NCKAP5: variants seen among roughly 807,000 people sequenced by gnomAD.
NCKAP5 encodes nck-associated protein 5.
In NCKAP5, 92 loss-of-function variants were observed where a neutral mutation model predicts 167.0. The ratio of observed to expected loss-of-function variants is 0.55; its 90% CI spans 0.47 to 0.66. The LOEUF (loss-of-function observed/expected upper bound fraction) is 0.66. Among genes scored for constraint, NCKAP5 ranks in the 30% least tolerant of loss-of-function variants. The pLI, the probability that NCKAP5 is intolerant of heterozygous loss-of-function variation, is 0.00. For synonymous variants in NCKAP5, 891 were observed against 877.4 expected (o/e 1.02, Z -0.27); for missense variants, 2,378 against 2,315.0 (o/e 1.03, Z -0.56).
chr2:133,397,192 ACTCT>A (rs1433564377), intron 3 of NCKAP5, among the ~76,000 whole-genome samples: 1 of 152,152 alleles, frequency 6.6e-6, no homozygotes, highest in African/African-American at 2.4e-5. Context: ...GACTCTGAAC[ACTCT>A]CTCTTCCCAT....
At chr2:133,019,478 C>T (rs2078452920) in intron 6 of NCKAP5, among the ~76,000 whole-genome samples, 1 of 152,142 alleles carries the variant, frequency 6.6e-6, no homozygotes, top group African/African-American at 2.4e-5. Flanking sequence ...GACTCTGTCT[C>T]TCCTGTCATA....
At chr2:133,574,300 C>T in the NCKAP5 span, among the ~76,000 whole-genome samples, 4 of 151,780 alleles carry the variant, frequency 2.6e-5, no homozygotes, top group Non-Finnish European at 4.4e-5. Flanking sequence ...TAGTCCCAGA[C>T]GACCACGCTA....
At chr2:133,416,609 G>A (rs1403381703) in intron 3 of NCKAP5, among the ~76,000 whole-genome samples, 3 of 151,948 alleles carry the variant, frequency 2.0e-5, no homozygotes, top group Non-Finnish European at 4.4e-5. Context: ...CAGAGATGAG[G>A]GCTAATGCTC....
At chr2:133,022,152 C>T (rs998923735) in intron 6 of NCKAP5, among the ~76,000 whole-genome samples, 2 of 151,818 alleles carry the variant, frequency 1.3e-5, no homozygotes, top group Non-Finnish European at 2.9e-5. Context: ...GAACACGTCA[C>T]CTCAAAATAT....
At chr2:133,497,489 C>G (rs1257744631) in intron 3 of NCKAP5, among the ~76,000 whole-genome samples, 1 of 152,174 alleles carries the variant, frequency 6.6e-6, no homozygotes, top group African/African-American at 2.4e-5. Flanking sequence ...TTTCACAGCC[C>G]AAATTCCTAC....
Position 133,470,062 on chromosome 2 carries a change from G to A in NCKAP5, c.69+47396C>T, listed in dbSNP as rs548537142. Among the ~76,000 whole-genome samples the A allele has an allele frequency of 1.4e-3, 216 of 152,204 alleles. 1 individual carries two copies. The highest frequency in any genetic ancestry group is 3.7e-3 in the African/African-American group (154 of 41,520). The stretch of plus-strand genomic sequence containing the variant: ...TGTTCCATTGCTGGTGAGGAACTGC[G>A]TTCCTTTGGAGGAGGAGAGGTGCTC... On this transcript the variant is annotated intron_variant, in intron 3 of 19. Coordinates refer to ENST00000409261, the MANE Select transcript of NCKAP5 (RefSeq NM_207363.3).
At chr2:133,098,754 T>C (rs2081416710) in intron 6 of NCKAP5, among the ~76,000 whole-genome samples, 1 of 152,186 alleles carries the variant, frequency 6.6e-6, no homozygotes, top group Admixed American at 6.5e-5. Flanking sequence ...TTTCAAAACA[T>C]TATGTGCAAT....
At chr2:132,879,675 G>C (rs1250466934) in intron 8 of NCKAP5, among the ~76,000 whole-genome samples, 1 of 152,188 alleles carries the variant, frequency 6.6e-6, no homozygotes, top group African/African-American at 2.4e-5. Context: ...CTGTGCCAGT[G>C]AACCCTTCCC....
In NCKAP5 at chr2:132,773,898, C is replaced by A; in HGVS notation, c.5050-4G>T. 1 of 1,607,176 alleles carries A rather than the reference C, an allele frequency of 6.2e-7. No individual in the cohort carries two copies. The highest frequency in any genetic ancestry group is 1.3e-5 in the African/African-American group (1 of 74,538). On this transcript the variant is annotated splice_polypyrimidine_tract_variant and splice_region_variant and intron_variant, in intron 15 of 19. Transcript: ENST00000409261. ...AGTTTTCATTTGCCTCTTTTACCTGCAGGAAGAAGAAAATGATGCAAGTTC... is the reference window on the plus strand; with the variant it reads ...AGTTTTCATTTGCCTCTTTTACCTGAAGGAAGAAGAAAATGATGCAAGTTC...
intron 3 of NCKAP5, among the ~76,000 whole-genome samples, chr2:133,489,185 G>C (rs1681220196): frequency 6.6e-6 from 1 of 152,174 alleles, no homozygotes; most frequent in Admixed American, 6.5e-5. Context: ...TTCTGCATTT[G>C]AACTGTGCTG....
chr2:132,956,586 T>C (rs543777586), intron 8 of NCKAP5, among the ~76,000 whole-genome samples: 1 of 152,326 alleles, frequency 6.6e-6, no homozygotes, highest in East Asian at 1.9e-4. Context: ...GGCACACGAA[T>C]GTGCCATACC....
the NCKAP5 span, among the ~76,000 whole-genome samples, chr2:133,601,832 G>A: frequency 6.6e-6 from 1 of 152,084 alleles, no homozygotes; most frequent in African/African-American, 2.4e-5. Context: ...CCTAAGTGTG[G>A]CATGTTTAGG....
At chr2:132,768,760 C>G (rs1248093283) in intron 16 of NCKAP5, among the ~76,000 whole-genome samples, 1 of 151,286 alleles carries the variant, frequency 6.6e-6, no homozygotes, top group Admixed American at 6.6e-5. Flanking sequence ...CTGCCTCAGC[C>G]TCCCGAGTAG....
At chr2:132,705,214 C>G (rs1688239228) in intron 19 of NCKAP5, among the ~76,000 whole-genome samples, 1 of 152,142 alleles carries the variant, frequency 6.6e-6, no homozygotes, top group Non-Finnish European at 1.5e-5. Flanking sequence ...TTCTCTCTCT[C>G]TCTGCTGGAT....
At chr2:133,070,356 C>T (rs764535302) in intron 6 of NCKAP5, among the ~76,000 whole-genome samples, 8 of 152,092 alleles carry the variant, frequency 5.3e-5, no homozygotes, top group Non-Finnish European at 8.8e-5. Context: ...CTCTTCTCAC[C>T]CCAACTCCTG....
In NCKAP5 at chr2:132,979,249, T is replaced by G. The variant is rs148511222; in HGVS notation, c.429+14903A>C. 6.9e-4 allele frequency among the ~76,000 whole-genome samples: 105 copies of G among 152,348 alleles called. 4 individuals are homozygous for G. In the East Asian group the frequency reaches 0.017, roughly 24 times the overall value. ...GGCGAATTTAGAGTCCTGTCTTTTT[T>G]TTCATTTAGGCCATAATGTCCTCCC... On this transcript the variant is annotated intron_variant, in intron 7 of 19. Coordinates refer to ENST00000409261, the MANE Select transcript of NCKAP5 (RefSeq NM_207363.3).
At chr2:133,451,766 T>G (rs1390171739) in intron 3 of NCKAP5, among the ~76,000 whole-genome samples, 3 of 152,240 alleles carry the variant, frequency 2.0e-5, no homozygotes, top group African/African-American at 7.2e-5. Flanking sequence ...AAGTGAATTA[T>G]GACTTTGTCT....
At chr2:132,882,515 T>A (rs1305568608) in intron 8 of NCKAP5, among the ~76,000 whole-genome samples, 1 of 152,214 alleles carries the variant, frequency 6.6e-6, no homozygotes, top group African/African-American at 2.4e-5. Context: ...ATTGGTACGC[T>A]ACCCAAACCA....
At chr2:132,910,905 T>C (rs1694396834) in intron 8 of NCKAP5, among the ~76,000 whole-genome samples, 1 of 152,174 alleles carries the variant, frequency 6.6e-6, no homozygotes, top group Admixed American at 6.5e-5. Flanking sequence ...AGAAGTATAA[T>C]TCTATCTCAT....
Sources: gnomAD v4.1 joint callset for allele counts (sites outside exome capture counted in the v4.1 genomes callset) on GRCh38, gnomAD v4.1.1 for gene constraint, MANE v1.5 for transcripts, NCBI Gene and HGNC (gene_info 2026-07-23, HGNC 2026-07-21) for gene names.